KAZN: variants seen among roughly 807,000 people sequenced by gnomAD.
KAZN encodes kazrin.
Under a neutral mutation model 87.4 loss-of-function variants are expected in KAZN, and 40 were observed. The observed-to-expected ratio is 0.46, with a 90% confidence interval of 0.36 to 0.60. KAZN has a LOEUF of 0.60. Among genes scored for constraint, KAZN ranks in the 20% least tolerant of loss-of-function variants. The probability of loss-of-function intolerance (pLI) is 0.00; values close to 1 mark genes in which losing one functional copy is unlikely to be tolerated. For missense variants in KAZN, 898 were observed against 1,073.9 expected (o/e 0.84, Z 2.29); for synonymous variants, 466 against 458.3 (o/e 1.02, Z -0.22).
chr1:14,882,165 C>T (rs1214819417), intron 1 of KAZN, among the ~76,000 whole-genome samples: 1 of 152,198 alleles, frequency 6.6e-6, no homozygotes, highest in East Asian at 1.9e-4. Flanking sequence ...CCTTGCCCTA[C>T]AGTTTTTCAT....
At chr1:14,875,084 C>A (rs576073014) in intron 1 of KAZN, among the ~76,000 whole-genome samples, 1 of 151,976 alleles carries the variant, frequency 6.6e-6, no homozygotes, top group African/African-American at 2.4e-5. Flanking sequence ...GTAATCCCAG[C>A]ACTTTGGGAG....
chr1:14,780,125 C>T (rs1645288614), intron 1 of KAZN, among the ~76,000 whole-genome samples: 1 of 152,200 alleles, frequency 6.6e-6, no homozygotes, highest in Non-Finnish European at 1.5e-5. Flanking sequence ...TTTAGGGCAT[C>T]AGAACCAATT....
chr1:14,312,573 C>T (rs755384767), intron 2 of KAZN, among the ~76,000 whole-genome samples: 42 of 152,234 alleles, frequency 2.8e-4, no homozygotes, highest in Non-Finnish European at 5.7e-4. Context: ...CATTATTTTT[C>T]TAATAAACGT....
intron 2 of KAZN, among the ~76,000 whole-genome samples, chr1:15,018,437 G>A (rs375015687): frequency 6.6e-6 from 1 of 151,750 alleles, no homozygotes; most frequent in African/African-American, 2.4e-5. Flanking sequence ...TCACTTTCTG[G>A]TTGCAGGAGA....
intron 2 of KAZN, among the ~76,000 whole-genome samples, chr1:14,562,455 A>G (rs1674315286): frequency 6.6e-6 from 1 of 152,244 alleles, no homozygotes; most frequent in Admixed American, 6.5e-5. Flanking sequence ...CGAAAGACCC[A>G]TAGTCTCTTC....
At chr1:14,230,922 A>T (rs1647765011) in intron 2 of KAZN, among the ~76,000 whole-genome samples, 1 of 152,210 alleles carries the variant, frequency 6.6e-6, no homozygotes, top group South Asian at 2.1e-4. Context: ...GGCACCATGC[A>T]TCTTCAGACA....
intron 2 of KAZN, among the ~76,000 whole-genome samples, chr1:14,202,326 C>T (rs1484747071): frequency 6.6e-6 from 1 of 152,228 alleles, no homozygotes; most frequent in Non-Finnish European, 1.5e-5. Flanking sequence ...CAGTTTTCAT[C>T]AGTTCCTCTT....
chr1:14,479,596 C>A (rs1668956550), intron 2 of KAZN, among the ~76,000 whole-genome samples: 2 of 152,164 alleles, frequency 1.3e-5, no homozygotes, highest in Admixed American at 6.6e-5. Flanking sequence ...TAGACTAATT[C>A]ATCTTTTGAA....
At chr1:14,920,652 A>G (rs1410508186) in intron 1 of KAZN, among the ~76,000 whole-genome samples, 1 of 152,112 alleles carries the variant, frequency 6.6e-6, no homozygotes, top group Non-Finnish European at 1.5e-5. Flanking sequence ...GTAGGTCCCA[A>G]TGTTCAAAAA....
At chr1:14,573,561 C>T (rs557462704) in intron 2 of KAZN, among the ~76,000 whole-genome samples, 148 of 152,226 alleles carry the variant, frequency 9.7e-4, no homozygotes, top group Middle Eastern at 3.4e-3. Context: ...GCAGAAGAAT[C>T]ACTTAAACCC....
intron 1 of KAZN, among the ~76,000 whole-genome samples, chr1:14,745,947 G>A (rs1299999948): frequency 2.6e-5 from 4 of 152,180 alleles, no homozygotes; most frequent in African/African-American, 4.8e-5. Flanking sequence ...CATCCCCGGG[G>A]TAAATTGGTG....
intron 2 of KAZN, among the ~76,000 whole-genome samples, chr1:14,185,002 T>C (rs1038257679): frequency 1.3e-5 from 2 of 152,148 alleles, no homozygotes; most frequent in Admixed American, 1.3e-4. Context: ...TATCTGGAGC[T>C]TTCTAGCTGC....
intron 1 of KAZN, among the ~76,000 whole-genome samples, chr1:14,646,792 A>G (rs1680844164): frequency 6.6e-6 from 1 of 152,210 alleles, no homozygotes; most frequent in African/African-American, 2.4e-5. Flanking sequence ...ACAACTAAAT[A>G]ATTTCCCATT....
At chr1:14,418,998 G>T (rs896562204) in intron 2 of KAZN, among the ~76,000 whole-genome samples, 2 of 152,186 alleles carry the variant, frequency 1.3e-5, no homozygotes, top group African/African-American at 4.8e-5. Context: ...CTGCCATTCG[G>T]ATACAACTGT....
Position 14,004,322 on chromosome 1 carries a change from C to T in KAZN, c.91+110566C>T, listed in dbSNP as rs1176239665. On this transcript the variant is annotated intron_variant, in intron 1 of 16. Transcript: ENST00000636203. The stretch of plus-strand genomic sequence containing the variant: ...TTGGAAAAGTGTTTGGCAGTATCTA[C>T]AAATGTTGAGAATACATTCCTATAG... 2.6e-5 allele frequency among the ~76,000 whole-genome samples: 4 copies of T among 152,132 alleles called. No homozygotes were observed. The East Asian group carries it at 7.7e-4, about 29-fold the overall frequency.
At chr1:14,580,906 C>T (rs1470780535) in intron 2 of KAZN, among the ~76,000 whole-genome samples, 2 of 152,176 alleles carry the variant, frequency 1.3e-5, no homozygotes, top group African/African-American at 4.8e-5. Flanking sequence ...CCTTCAAACA[C>T]TTTCTCTCCA....
In KAZN at chr1:13,976,243, T is replaced by C. The variant is rs371272048; in HGVS notation, c.91+82487T>C. On this transcript the variant is annotated intron_variant, in intron 1 of 16. Coordinates refer to the KAZN transcript ENST00000636203. ...CTGATGGACTTTCCAAATGCATCCA[T>C]GCTTTTGATTTTCAAAGAGAGCAAA... 5.4e-4 allele frequency among the ~76,000 whole-genome samples: 82 copies of C among 152,354 alleles called. 1 individual carries two copies. The highest frequency in any genetic ancestry group is 1.7e-3 in the African/African-American group (70 of 41,592).
intron 1 of KAZN, among the ~76,000 whole-genome samples, chr1:14,159,710 G>A (rs375961310): frequency 6.6e-6 from 1 of 152,214 alleles, no homozygotes; most frequent in South Asian, 2.1e-4. Context: ...CTGGGAATGT[G>A]TTGAGTCTTA....
intron 1 of KAZN, among the ~76,000 whole-genome samples, chr1:14,943,249 G>A (rs569849074): frequency 1.3e-5 from 2 of 152,046 alleles, no homozygotes; most frequent in Non-Finnish European, 2.9e-5. Context: ...TTAAAGTTCC[G>A]TCTCTACCTT....
Sources: allele counts gnomAD v4.1 joint callset (sites outside exome capture counted in the v4.1 genomes callset), GRCh38; gene constraint gnomAD v4.1.1; transcripts MANE v1.5; gene names NCBI Gene and HGNC (gene_info 2026-07-23, HGNC 2026-07-21).